GREB1L: variants seen among roughly 807,000 people sequenced by gnomAD.
GREB1L encodes GREB1-like protein.
GREB1L carries 17 observed loss-of-function variants against 200.8 expected under a neutral mutation model. That is an observed-to-expected ratio of 0.08 (90% CI 0.06 to 0.13). GREB1L has a LOEUF of 0.13. Among genes scored for constraint, GREB1L ranks in the 10% least tolerant of loss-of-function variants. The probability of loss-of-function intolerance (pLI) is 1.00; values close to 1 mark genes in which losing one functional copy is unlikely to be tolerated. For synonymous variants in GREB1L, 789 were observed against 893.0 expected, an observed-to-expected ratio of 0.88 and a Z score of 2.08; for missense variants, 1,657 against 2,367.7, an observed-to-expected ratio of 0.70 and a Z score of 6.23.
At chr18:21,459,444 C>T (rs185247368) in intron 15 of GREB1L, among the ~76,000 whole-genome samples, 1 of 151,744 alleles carries the variant, frequency 6.6e-6, no homozygotes, top group South Asian at 2.1e-4. Flanking sequence ...CACCACCATG[C>T]CCAGCTAATT....
intron 1 of GREB1L, among the ~76,000 whole-genome samples, chr18:21,360,554 A>G (rs926037634): frequency 2.6e-5 from 4 of 152,226 alleles, no homozygotes; most frequent in Non-Finnish European, 4.4e-5. Flanking sequence ...TGAAATACAT[A>G]TATCTTTGCC....
rs140035124 is a variant in GREB1L at position 21,278,561 on chromosome 18, G to A, written c.-120+36168G>A. ...CTTGGTGGTATTGAGAGCACTCAGT[G>A]TAAAGTGTTCTGGGTGTAAAATGTT... On this transcript the variant is annotated intron_variant, in intron 1 of 32. Transcript: ENST00000424526. Among the ~76,000 whole-genome samples, 552 of 152,146 alleles carry A rather than the reference G, an allele frequency of 3.6e-3. 2 individuals are homozygous for A. Among genetic ancestry groups the A allele is most frequent in the African/African-American group, 0.013 (533 of 41,522 alleles).
At chr18:21,521,611 A>G (rs1351941872) in intron 32 of GREB1L, among the ~76,000 whole-genome samples, 1 of 152,070 alleles carries the variant, frequency 6.6e-6, no homozygotes, top group Non-Finnish European at 1.5e-5. Flanking sequence ...CCCAGGAGAC[A>G]GAGACACTTC....
Position 21,333,083 on chromosome 18 carries a change from TAC to T in GREB1L, c.-119-32935_-119-32934del, listed in dbSNP as rs145912260. Among the ~76,000 whole-genome samples the T allele has an allele frequency of 1.2e-3, 185 of 151,948 alleles. 1 individual carries two copies. The highest frequency in any genetic ancestry group is 3.4e-3 in the Middle Eastern group (1 of 294). Reference sequence around the variant, plus strand: ...CTGGGTGACAGAGACCCTATGTTAATACACACACACGCGCGCGCGCGCGCGCA... The same window carrying T: ...CTGGGTGACAGAGACCCTATGTTAATACACACACGCGCGCGCGCGCGCGCA... On this transcript the variant is annotated intron_variant, in intron 1 of 32. Transcript: ENST00000424526.
At chr18:21,247,280 T>C (rs546309898) in intron 1 of GREB1L, among the ~76,000 whole-genome samples, 1 of 152,230 alleles carries the variant, frequency 6.6e-6, no homozygotes, top group African/African-American at 2.4e-5. Context: ...GAGAATTCAC[T>C]ATCTTTTCAA....
intron 11 of GREB1L, among the ~76,000 whole-genome samples, chr18:21,447,021 A>G (rs966738537): frequency 6.6e-6 from 1 of 152,208 alleles, no homozygotes; most frequent in African/African-American, 2.4e-5. Context: ...TAAAACTGAT[A>G]CCTCAGCTAA....
intron 2 of GREB1L, among the ~76,000 whole-genome samples, chr18:21,382,228 C>T (rs1279324439): frequency 1.3e-5 from 2 of 151,808 alleles, no homozygotes; most frequent in African/African-American, 4.8e-5. Flanking sequence ...GCCTGTAGTC[C>T]CAGCTACTTG....
At chr18:21,328,698 A>ATG (rs1475936786) in intron 1 of GREB1L, among the ~76,000 whole-genome samples, 2 of 152,130 alleles carry the variant, frequency 1.3e-5, no homozygotes, top group East Asian at 1.9e-4. Flanking sequence ...ATATGTGTGC[A>ATG]TGTGTGTGTA....
chr18:21,419,002 T>C (rs1422734368), intron 7 of GREB1L, among the ~76,000 whole-genome samples: 1 of 152,226 alleles, frequency 6.6e-6, no homozygotes, highest in Non-Finnish European at 1.5e-5. Context: ...TTTCTATATT[T>C]AGATATGTTT....
intron 17 of GREB1L, among the ~76,000 whole-genome samples, chr18:21,480,596 C>T (rs1163613252): frequency 2.6e-5 from 4 of 152,096 alleles, no homozygotes; most frequent in Non-Finnish European, 5.9e-5. Flanking sequence ...TGATGATTAG[C>T]GTCCTTTAGT....
chr18:21,281,930 AAACTC>A (rs1387821969), intron 1 of GREB1L, among the ~76,000 whole-genome samples: 1 of 152,220 alleles, frequency 6.6e-6, no homozygotes, highest in East Asian at 1.9e-4. Context: ...CAGCCAAAGA[AAACTC>A]AAATCATTAT....
At chr18:21,497,246 A>G (rs538714207) in intron 21 of GREB1L, among the ~76,000 whole-genome samples, 3 of 152,244 alleles carry the variant, frequency 2.0e-5, no homozygotes, top group Non-Finnish European at 4.4e-5. Flanking sequence ...CTGCAGGTCT[A>G]TGGCAGTGCC....
chr18:21,476,462 C>A (rs1461613831), intron 16 of GREB1L, among the ~76,000 whole-genome samples: 1 of 152,026 alleles, frequency 6.6e-6, no homozygotes, highest in African/African-American at 2.4e-5. Context: ...CTTCTATGAG[C>A]AGGAATAGCT....
At chr18:21,402,011 G>A (rs1362948485) in intron 6 of GREB1L, 1 of 152,054 alleles carries the variant, frequency 6.6e-6, no homozygotes. Context: ...ATGAAAAACA[G>A]CATAATATTC....
intron 1 of GREB1L, among the ~76,000 whole-genome samples, chr18:21,268,532 C>T (rs530132795): frequency 1.8e-4 from 16 of 86,836 alleles, no homozygotes; most frequent in African/African-American, 7.8e-4. Context: ...TACACACACA[C>T]ACACACACAC....
At chr18:21,336,019 G>A (rs2039179915) in intron 1 of GREB1L, among the ~76,000 whole-genome samples, 1 of 152,078 alleles carries the variant, frequency 6.6e-6, no homozygotes, top group South Asian at 2.1e-4. Context: ...TTCTTTCAGT[G>A]AGAGGATGCT....
intron 28 of GREB1L, among the ~76,000 whole-genome samples, chr18:21,514,263 T>C (rs1488070916): frequency 3.3e-5 from 5 of 152,200 alleles, no homozygotes; most frequent in African/African-American, 1.2e-4. Flanking sequence ...ATGCCTGTAA[T>C]TCCAGCACTT....
chr18:21,400,094 T>C (rs1265240487), intron 5 of GREB1L, among the ~76,000 whole-genome samples: 4 of 152,154 alleles, frequency 2.6e-5, no homozygotes, highest in Non-Finnish European at 5.9e-5. Flanking sequence ...ACTTTTTTTT[T>C]CCTGTTCATC....
chr18:21,377,687 G>C (rs1216926931), intron 2 of GREB1L, among the ~76,000 whole-genome samples: 1 of 152,010 alleles, frequency 6.6e-6, no homozygotes, highest in East Asian at 1.9e-4. Flanking sequence ...CAGAGTAAGT[G>C]AGACTGTGTC....
Sources: allele counts gnomAD v4.1 joint callset (sites outside exome capture counted in the v4.1 genomes callset), GRCh38; gene constraint gnomAD v4.1.1; transcripts MANE v1.5; gene names NCBI Gene and HGNC (gene_info 2026-07-23, HGNC 2026-07-21).